Variants in SEPTIN9 observed in about 807,000 individuals in gnomAD.
SEPTIN9 encodes the protein septin 9, also known as septin-9.
A neutral mutation model predicts 56.6 loss-of-function variants in SEPTIN9; 13 were observed. That is an observed-to-expected ratio of 0.23 (90% CI 0.15 to 0.37). The LOEUF (loss-of-function observed/expected upper bound fraction) is 0.37. Ranked by LOEUF, SEPTIN9 falls within the 10% of genes least tolerant of loss-of-function variation. SEPTIN9 has a pLI of 1.00. For missense variants in SEPTIN9, 650 were observed against 823.1 expected (o/e 0.79, Z 2.57); for synonymous variants, 332 against 334.1 (o/e 0.99, Z 0.07).
At chr17:77,373,244 C>T (rs1167398050) in intron 2 of SEPTIN9, 3 of 1,119,736 alleles carry the variant, frequency 2.7e-6, no homozygotes, top group Non-Finnish European at 3.3e-6. Flanking sequence ...ACAGGGAGGC[C>T]GGTGCGGGTG....
intron 2 of SEPTIN9, among the ~76,000 whole-genome samples, chr17:77,345,997 C>A (rs1386196359): frequency 6.6e-6 from 1 of 152,088 alleles, no homozygotes. Flanking sequence ...GTTGCCCAGG[C>A]TGGAGTGCAG....
chr17:77,422,412 G>C (rs992741605), intron 3 of SEPTIN9, among the ~76,000 whole-genome samples: 6 of 152,198 alleles, frequency 3.9e-5, no homozygotes, highest in African/African-American at 1.4e-4. Context: ...GCCCATTGGC[G>C]TGGCCAGCGA....
rs180846977 is a variant in SEPTIN9, at chr17:77,491,068, C to T, written c.1380+209C>T. ...GATGGCCTCTCCAGCTCCCCCATAT[C>T]TCAAAAGCAGCTTTGTGGGAGTGCC... On this transcript the variant is annotated intron_variant, in intron 8 of 11. Coordinates refer to ENST00000427177, the MANE Select transcript of SEPTIN9 (RefSeq NM_001113491.2). 2.0e-5 allele frequency among the ~76,000 whole-genome samples: 3 copies of T among 152,332 alleles called. No homozygotes were observed. The East Asian group carries it at 5.8e-4, about 29-fold the overall frequency.
chr17:77,298,578 G>T (rs1391474012), intron 1 of SEPTIN9, among the ~76,000 whole-genome samples: 2 of 152,206 alleles, frequency 1.3e-5, no homozygotes, highest in African/African-American at 2.4e-5. Flanking sequence ...ACGGTTTCCT[G>T]TTGGTTCTCT....
intron 2 of SEPTIN9, among the ~76,000 whole-genome samples, chr17:77,342,636 T>C (rs2033769263): frequency 6.6e-6 from 1 of 152,152 alleles, no homozygotes; most frequent in Admixed American, 6.6e-5. Flanking sequence ...TAGTTAACTA[T>C]TAAAGGGATC....
intron 3 of SEPTIN9, among the ~76,000 whole-genome samples, chr17:77,426,375 G>T (rs530180916): frequency 4.6e-5 from 7 of 152,188 alleles, no homozygotes; most frequent in East Asian, 3.9e-4. Context: ...GCGCAACAGC[G>T]TGAGCCCAGG....
At position 77,457,207 on chromosome 17, in the gene SEPTIN9, T is replaced by A. The variant is rs372717039; in HGVS notation, c.722-24937T>A. Among the ~76,000 whole-genome samples the A allele has an allele frequency of 6.6e-5, 10 of 152,220 alleles. No homozygotes were observed. In the South Asian group the frequency reaches 2.1e-3, roughly 32 times the overall value. ...GATGGCACAGGGTCACCTGCTTGCA[T>A]CCATACAGCCTCGGCCCTCGCTCTG... is the stretch of plus-strand genomic sequence containing the variant. On this transcript the variant is annotated intron_variant, in intron 3 of 11. Transcript: ENST00000427177.
chr17:77,475,988 C>G lies in SEPTIN9; in HGVS notation c.722-6156C>G. ...GGGGAAGACAGGGGAATGGCATTGA[C>G]TTGACCCTGAGCACTTTGTCCTGGG... On this transcript the variant is annotated intron_variant, in intron 3 of 11. Transcript: ENST00000427177. The surrounding 1 kb of genome is among the most constrained non-coding windows in gnomAD (Gnocchi z 4.6). 2.1e-6 allele frequency: 3 copies of G among 1,430,524 alleles called. No individual in the cohort carries two copies. The South Asian group carries it at 3.8e-5, about 18-fold the overall frequency. The allele number at this position is 1,430,524 out of a possible 1,614,324, so 88.6% of individuals were successfully genotyped here.
At position 77,500,398 on chromosome 17, in the gene SEPTIN9, G is replaced by T. The variant is rs926407583; in HGVS notation, c.*1740G>T. On this transcript the variant is annotated 3_prime_UTR_variant, in exon 12 of 12. Coordinates refer to ENST00000427177, the MANE Select transcript of SEPTIN9 (RefSeq NM_001113491.2). Reference sequence around the variant, plus strand: ...CTTGGTGGCGGGGTGGGGTGGGGGTGGGCAGCAGCATCCCAGCCTTGAGAT... The same window carrying T: ...CTTGGTGGCGGGGTGGGGTGGGGGTTGGCAGCAGCATCCCAGCCTTGAGAT... The T allele has an allele frequency of 7.1e-5, 16 of 225,488 alleles. No homozygotes were observed. The highest frequency in any genetic ancestry group is 3.6e-4 in the African/African-American group (16 of 44,776). The allele number at this position is 225,488 out of a possible 1,614,324, so 14.0% of individuals were successfully genotyped here.
intron 2 of SEPTIN9, among the ~76,000 whole-genome samples, chr17:77,378,609 G>C (rs962355466): frequency 6.6e-6 from 1 of 152,214 alleles, no homozygotes; most frequent in Admixed American, 6.5e-5. Context: ...TGATGCCACT[G>C]TATGAATGAG....
chr17:77,365,515 A>T (rs2034546538), intron 2 of SEPTIN9, among the ~76,000 whole-genome samples: 1 of 151,734 alleles, frequency 6.6e-6, no homozygotes, highest in African/African-American at 2.4e-5. Context: ...GTAGGTACTG[A>T]GCTCCCTGTA....
rs1568101877 is a variant in SEPTIN9 at position 77,476,189 on chromosome 17, A to C, written c.722-5955A>C. Among the ~76,000 whole-genome samples, 1 of 152,268 alleles carries C rather than the reference A, an allele frequency of 6.6e-6. No homozygotes were observed. The highest frequency in any genetic ancestry group is 1.9e-4 in the East Asian group (1 of 5,176). On this transcript the variant is annotated intron_variant, in intron 3 of 11. Transcript: ENST00000427177. This position sits in a 1 kb window ranked among gnomAD's most constrained non-coding sequence, Gnocchi z 6.0. Reference sequence around the variant, plus strand: ...ACACACAGGGAGGGGTAGGCAGAGAAGGGCGGCCCCTGGGTCTTGGTTTCC... The same window carrying C: ...ACACACAGGGAGGGGTAGGCAGAGACGGGCGGCCCCTGGGTCTTGGTTTCC...
intron 3 of SEPTIN9, chr17:77,481,870 A>C: frequency 1.9e-6 from 1 of 513,896 alleles, no homozygotes; most frequent in Non-Finnish European, 3.5e-6. Flanking sequence ...CACAGCTCCT[A>C]GAAGAGGAGA....
At chr17:77,284,506 G>C (rs2031185091) in intron 1 of SEPTIN9, among the ~76,000 whole-genome samples, 1 of 152,258 alleles carries the variant, frequency 6.6e-6, no homozygotes, top group Admixed American at 6.5e-5. Context: ...TGGGGGCTCA[G>C]AGCCGCCAGC....
intron 3 of SEPTIN9, among the ~76,000 whole-genome samples, chr17:77,430,661 C>T (rs1484320190): frequency 6.6e-6 from 1 of 152,290 alleles, no homozygotes; most frequent in Non-Finnish European, 1.5e-5. Flanking sequence ...TTTTCATCTG[C>T]TTGGCCAGGT....
At chr17:77,420,709 C>T (rs561878665) in intron 3 of SEPTIN9, among the ~76,000 whole-genome samples, 1 of 152,276 alleles carries the variant, frequency 6.6e-6, no homozygotes, top group African/African-American at 2.4e-5. Flanking sequence ...CCAGCTGGCA[C>T]GGGGACCTCC....
chr17:77,410,891 A>G (rs1005581471), intron 3 of SEPTIN9, among the ~76,000 whole-genome samples: 3 of 152,034 alleles, frequency 2.0e-5, no homozygotes, highest in Non-Finnish European at 2.9e-5. Context: ...TCTGGCTCCC[A>G]TTCTCCCTGT....
chr17:77,374,665 G>C (rs979836138), intron 2 of SEPTIN9: 2 of 152,362 alleles, frequency 1.3e-5, no homozygotes, highest in Admixed American at 6.5e-5. Flanking sequence ...GGTCCTCCCC[G>C]CTCCATGGCC....
rs1020983150 is a variant in SEPTIN9 at position 77,475,872 on chromosome 17, C to G, written c.722-6272C>G. 2 of 1,612,788 alleles carry G rather than the reference C, an allele frequency of 1.2e-6. No individual in the cohort carries two copies. The highest frequency in any genetic ancestry group is 2.2e-5 in the East Asian group (1 of 44,846). On this transcript the variant is annotated intron_variant, in intron 3 of 11. Transcript: ENST00000427177. This position sits in a 1 kb window ranked among gnomAD's most constrained non-coding sequence, Gnocchi z 4.6. Reference sequence around the variant, plus strand: ...GGCAGGAGGAGGATGACCTTGCATTCTGCTTGGCCACCATTGGCAGTGACA... The same window carrying G: ...GGCAGGAGGAGGATGACCTTGCATTGTGCTTGGCCACCATTGGCAGTGACA...
Sources: gnomAD v4.1 joint callset for allele counts (sites outside exome capture counted in the v4.1 genomes callset) on GRCh38, gnomAD v4.1.1 for gene constraint, Gnocchi (gnomAD v3.1) non-coding constraint, MANE v1.5 for transcripts, NCBI Gene and HGNC (gene_info 2026-07-23, HGNC 2026-07-21) for gene names.